The following WIPF1 variants were observed in gnomAD, a reference collection of about 807,000 sequenced individuals.
WIPF1 encodes WAS/WASL interacting protein family member 1.
Under a neutral mutation model 35.4 loss-of-function variants are expected in WIPF1, and 13 were observed. The observed-to-expected ratio is 0.37, with a 90% CI of 0.24 to 0.58. The LOEUF is 0.58. Among genes scored for constraint, WIPF1 ranks in the 20% least tolerant of loss-of-function variants. The pLI is 0.74. For missense variants in WIPF1, 591 were observed against 667.0 expected (o/e 0.89, Z 1.25); for synonymous variants, 267 against 266.3 (o/e 1.00, Z -0.02).
At chr2:174,585,261 C>A (rs538570565) in intron 2 of WIPF1, among the ~76,000 whole-genome samples, 2 of 152,290 alleles carry the variant, frequency 1.3e-5, no homozygotes, top group South Asian at 4.1e-4. Flanking sequence ...CATGTCCCTG[C>A]GCAGATGCGG....
intron 1 of WIPF1, among the ~76,000 whole-genome samples, chr2:174,643,946 C>A (rs977084597): frequency 6.6e-5 from 10 of 152,156 alleles, no homozygotes; most frequent in African/African-American, 2.4e-4. Flanking sequence ...TTTTGCTATA[C>A]ATATGACTCC....
rs777864817 is a variant in WIPF1 at position 174,622,766 on chromosome 2, T to C, written c.-38-37155A>G. Reference sequence around the variant, plus strand: ...CTATAAGGAAATTCTTAACAATTTTTATTTTTGTTTTTAATTTTTGTGGGT... The same window carrying C: ...CTATAAGGAAATTCTTAACAATTTTCATTTTTGTTTTTAATTTTTGTGGGT... On this transcript the variant is annotated intron_variant, in intron 1 of 8. Transcript: ENST00000272746. The surrounding 1 kb of genome is among the most constrained non-coding windows in gnomAD (Gnocchi z 5.1). Among the ~76,000 whole-genome samples, 3 of 152,230 alleles carry C rather than the reference T, an allele frequency of 2.0e-5. No individual in the cohort carries two copies. The highest frequency in any genetic ancestry group is 4.4e-5 in the Non-Finnish European group (3 of 68,050).
intron 1 of WIPF1, among the ~76,000 whole-genome samples, chr2:174,615,326 T>C (rs539122927): frequency 5.9e-5 from 9 of 152,194 alleles, no homozygotes; most frequent in Non-Finnish European, 8.8e-5. Context: ...AGTCAGAATT[T>C]TATGGAATCA....
intron 1 of WIPF1, among the ~76,000 whole-genome samples, chr2:174,657,841 T>C (rs917218687): frequency 2.8e-5 from 4 of 141,398 alleles, no homozygotes; most frequent in East Asian, 4.1e-4. Context: ...ACCTGGGAGG[T>C]AGAGGTTGCG....
chr2:174,627,215 A>T (rs1686865999), intron 1 of WIPF1, among the ~76,000 whole-genome samples: 1 of 152,098 alleles, frequency 6.6e-6, no homozygotes, highest in Non-Finnish European at 1.5e-5. Context: ...TAAATTCCTA[A>T]TATACATCAC....
chr2:174,653,827 C>T (rs1038235285), intron 1 of WIPF1, among the ~76,000 whole-genome samples: 2 of 151,560 alleles, frequency 1.3e-5, no homozygotes, highest in African/African-American at 4.9e-5. Context: ...AAAGAAAGTT[C>T]GGGTCTCAGT....
At chr2:174,641,912 C>T (rs1021979314) in intron 1 of WIPF1, among the ~76,000 whole-genome samples, 5 of 152,174 alleles carry the variant, frequency 3.3e-5, no homozygotes, top group African/African-American at 9.7e-5. Context: ...TTAAGATTTA[C>T]GTGGTTAACT....
rs541982668 is a variant in WIPF1, at chr2:174,626,046, T to C, written c.-38-40435A>G. On this transcript the variant is annotated intron_variant, in intron 1 of 8. Coordinates refer to the WIPF1 transcript ENST00000272746. ...CAATGACAAAAAGCAATTTCAATTA[T>C]ATTTAAGATGACATTTACATAAACA... 4.6e-5 allele frequency: 7 copies of C among 152,384 alleles called. No homozygotes were observed. The South Asian group carries it at 1.4e-3, about 32-fold the overall frequency. The allele number at this position is 152,384 out of a possible 1,614,324, so 9.4% of individuals were successfully genotyped here. A position where few individuals can be genotyped will look rare whatever the true frequency, so the allele number is the denominator to read the frequency against.
intron 1 of WIPF1, chr2:174,676,495 G>A (rs1559180124): frequency 6.6e-6 from 1 of 151,508 alleles, no homozygotes; most frequent in South Asian, 2.1e-4. Context: ...GTGTAGAGAT[G>A]GGGTTTTGCC....
intron 1 of WIPF1, among the ~76,000 whole-genome samples, chr2:174,675,089 C>T (rs977024481): frequency 2.0e-5 from 3 of 151,918 alleles, no homozygotes; most frequent in African/African-American, 7.3e-5. Context: ...ATATTAAACG[C>T]AATTGTGGCA....
rs372756882 is a variant in WIPF1, at chr2:174,645,294, A to G, written c.-39+37480T>C. ...AGAGATTTGTTCAAATAAGTAAATAAGTGATAAAATTGGAATTTGAACCCG... is the reference window on the plus strand; with the variant it reads ...AGAGATTTGTTCAAATAAGTAAATAGGTGATAAAATTGGAATTTGAACCCG... On this transcript the variant is annotated intron_variant, in intron 1 of 8. Coordinates refer to the WIPF1 transcript ENST00000272746. Among the ~76,000 whole-genome samples the G allele has an allele frequency of 3.3e-5, 5 of 152,368 alleles. No individual in the cohort carries two copies. The South Asian group carries it at 8.3e-4, about 25-fold the overall frequency.
intron 1 of WIPF1, among the ~76,000 whole-genome samples, chr2:174,638,504 C>T (rs1687230740): frequency 6.6e-6 from 1 of 152,168 alleles, no homozygotes; most frequent in African/African-American, 2.4e-5. Flanking sequence ...GAATTCACTC[C>T]TCCTGTCTAA....
At chr2:174,580,570 T>A (rs564626789) in intron 3 of WIPF1, among the ~76,000 whole-genome samples, 1 of 152,340 alleles carries the variant, frequency 6.6e-6, no homozygotes, top group Non-Finnish European at 1.5e-5. Context: ...GGATGAATCT[T>A]GGGGACATCT....
intron 1 of WIPF1, among the ~76,000 whole-genome samples, chr2:174,659,619 G>A (rs13014880): frequency 1.3e-5 from 2 of 151,898 alleles, no homozygotes; most frequent in Non-Finnish European, 2.9e-5. Context: ...AAGGGACTCC[G>A]GATTATCAAC....
At chr2:174,599,822 T>TAG (rs1559157119), upstream of WIPF1, among the ~76,000 whole-genome samples, 2 of 140,568 alleles carry the variant, frequency 1.4e-5, no homozygotes, top group South Asian at 4.2e-4. Context: ...TAGCTATCTC[T>TAG]CTCTCTCTCT....
At chr2:174,665,298 G>A (rs1687867078) in intron 1 of WIPF1, 1 of 152,200 alleles carries the variant, frequency 6.6e-6, no homozygotes, top group Non-Finnish European at 1.5e-5. Flanking sequence ...TCTCATTCGT[G>A]TCTGGACAAT....
At chr2:174,585,828 T>C (rs1385578001) in intron 1 of WIPF1, among the ~76,000 whole-genome samples, 2 of 152,040 alleles carry the variant, frequency 1.3e-5, no homozygotes, top group African/African-American at 2.4e-5. Context: ...GGAGGCCACA[T>C]CCAGTGCCTT....
At chr2:174,594,509 GAAGGA>G (rs1685732178) in intron 1 of WIPF1, among the ~76,000 whole-genome samples, 1 of 152,116 alleles carries the variant, frequency 6.6e-6, no homozygotes, top group South Asian at 2.1e-4. Flanking sequence ...TTATTTAACT[GAAGGA>G]AAGGGAAAGG....
chr2:174,571,951 G>C lies in WIPF1; in HGVS notation c.854C>G (p.Pro285Arg). The change falls in exon 5 of 8, where the codon CCT (proline) becomes CGT (arginine). Residue 285 changes from proline to arginine, a missense_variant. Pro to Arg is a moderately radical substitution (Grantham distance 103). This residue lies in a region of WIPF1 where 471 missense variants were observed against 501.1 expected (regional missense o/e 0.94). Transcript: ENST00000679041. The surrounding 1 kb of genome is among the most constrained non-coding windows in gnomAD (Gnocchi z 4.6). ...PSIHREAVPP[P>R]PPQNNKPPVP... ...TGGAGGCTTGTTGTTCTGAGGAGGA[G>C]GAGGGGGAACCGCTTCCCTGTGGAT... 6.3e-7 allele frequency: 1 copy of C among 1,581,442 alleles called. No individual in the cohort carries two copies. The highest frequency in any genetic ancestry group is 8.6e-7 in the Non-Finnish European group (1 of 1,164,800).
Sources: allele counts gnomAD v4.1 joint callset (sites outside exome capture counted in the v4.1 genomes callset), GRCh38; gene constraint gnomAD v4.1.1; regional missense constraint gnomAD v4.1.1; non-coding constraint Gnocchi (gnomAD v3.1); transcripts MANE v1.5; gene names NCBI Gene and HGNC (gene_info 2026-07-23, HGNC 2026-07-21).